The following MYCBP2 variants were observed in gnomAD, a reference collection of about 807,000 sequenced individuals.
The protein encoded by MYCBP2 is MYC binding protein 2, also known as E3 ubiquitin-protein ligase MYCBP2.
In MYCBP2, 120 loss-of-function variants were observed where a neutral mutation model predicts 525.3. The ratio of observed to expected loss-of-function variants is 0.23; its 90% confidence interval spans 0.20 to 0.27. The LOEUF is 0.27. MYCBP2 is among the 10% of genes least tolerant of loss of function. The probability of loss-of-function intolerance (pLI) is 1.00; values close to 1 mark genes in which losing one functional copy is unlikely to be tolerated. For synonymous variants in MYCBP2, 1,894 were observed against 1,955.8 expected (o/e 0.97, Z 0.83); for missense variants, 4,149 against 5,657.1 (o/e 0.73, Z 8.55).
At chr13:77,170,645 C>T (rs982111945) in intron 38 of MYCBP2, among the ~76,000 whole-genome samples, 13 of 149,986 alleles carry the variant, frequency 8.7e-5, no homozygotes, top group Admixed American at 3.3e-4. Flanking sequence ...GGTGCGATCT[C>T]GGCTCACTGC....
intron 25 of MYCBP2, 24 bp from the exon 26 acceptor site, chr13:77,205,407 A>T (rs538074425): frequency 2.5e-6 from 4 of 1,611,980 alleles, no homozygotes; most frequent in Non-Finnish European, 3.4e-6. Context: ...ATCATAATCT[A>T]TGTTTTAAAA....
At chr13:77,237,210 A>C (rs1232646864) in intron 17 of MYCBP2, among the ~76,000 whole-genome samples, 1 of 152,250 alleles carries the variant, frequency 6.6e-6, no homozygotes, top group Admixed American at 6.5e-5. Flanking sequence ...TTAGGTAGTT[A>C]CTGTATAGAA....
rs550282518 is a variant in MYCBP2 at position 77,169,213 on chromosome 13, G to A, written c.5895+401C>T. Among the ~76,000 whole-genome samples the A allele has an allele frequency of 1.4e-4, 22 of 152,066 alleles. No individual in the cohort carries two copies. In the East Asian group the frequency reaches 2.7e-3, roughly 19 times the overall value. On this transcript the variant is annotated intron_variant, in intron 39 of 82. Coordinates refer to ENST00000544440, the MANE Select transcript of MYCBP2 (RefSeq NM_015057.5). ...CACGAGGTCAGGAGATCGAGACCAC[G>A]GTGAAACCCCGTCTCTACTAAAAAT...
chr13:77,262,204 G>A, intron 10 of MYCBP2, 75 bp from the exon 11 acceptor site: 1 of 1,210,372 alleles, frequency 8.3e-7, no homozygotes, highest in Non-Finnish European at 1.2e-6. Context: ...ACTATTTTAA[G>A]TGATTGCAAT....
rs1330816864 is a variant in MYCBP2, at chr13:77,097,406, A to G, written c.9748T>C (p.Tyr3250His). 3 of 1,611,938 alleles carry G rather than the reference A, an allele frequency of 1.9e-6. No homozygotes were observed. The highest frequency in any genetic ancestry group is 2.7e-5 in the African/African-American group (2 of 74,736). Residue 3250 changes from tyrosine to histidine, a missense_variant, in exon 56 of 83, where the codon TAC becomes CAC. Physicochemically the swap from Tyr to His is moderately conservative, Grantham distance 83 (BLOSUM62 2). This residue lies in a region of MYCBP2 where 26 missense variants were observed against 48.2 expected (regional missense o/e 0.54). Transcript: ENST00000544440. ...ICELCGESHPYPVTYHMRQAH... is the reference protein window; with the variant it reads ...ICELCGESHPHPVTYHMRQAH... ...TGTCTCATGTGATAGGTCACCGGGT[A>G]TGGATGTGACTCCCCACACAGTTCA...
intron 52 of MYCBP2, among the ~76,000 whole-genome samples, chr13:77,132,455 A>T (rs2053055028): frequency 6.6e-6 from 1 of 152,158 alleles, no homozygotes; most frequent in Non-Finnish European, 1.5e-5. Flanking sequence ...CAAATCTTTC[A>T]GGTTCCAAAA....
chr13:77,321,600 G>A (rs1279603228), intron 1 of MYCBP2, among the ~76,000 whole-genome samples: 1 of 152,132 alleles, frequency 6.6e-6, no homozygotes, highest in East Asian at 1.9e-4. Context: ...TTCCACTACT[G>A]TCCTTCATGA....
chr13:77,072,029 C>T (rs1307573459), intron 68 of MYCBP2, among the ~76,000 whole-genome samples: 1 of 152,088 alleles, frequency 6.6e-6, no homozygotes, highest in Non-Finnish European at 1.5e-5. Context: ...TGGCTCACGC[C>T]TGTAATCCCA....
chr13:77,310,109 T>A (rs2079988263), intron 1 of MYCBP2, among the ~76,000 whole-genome samples: 1 of 152,074 alleles, frequency 6.6e-6, no homozygotes, highest in Admixed American at 6.6e-5. Context: ...AGACTCCGTC[T>A]CAGAAAAACA....
chr13:77,058,596 T>C lies in MYCBP2; in HGVS notation c.13141-190A>G, dbSNP rs1259619379. On this transcript the variant is annotated intron_variant, in intron 77 of 82. Coordinates refer to ENST00000544440, the MANE Select transcript of MYCBP2 (RefSeq NM_015057.5). This position sits in a 1 kb window ranked among gnomAD's most constrained non-coding sequence, Gnocchi z 4.1. ...ATTAGGCTTCTTAACAAAGTTTTTT[T>C]TTTTTGATGCGATTTTTAAAAAATG... 1.3e-5 allele frequency among the ~76,000 whole-genome samples: 2 copies of C among 152,200 alleles called. No individual in the cohort carries two copies. The highest frequency in any genetic ancestry group is 2.1e-4 in the South Asian group (1 of 4,826).
intron 3 of MYCBP2, among the ~76,000 whole-genome samples, chr13:77,286,751 G>A (rs1163520721): frequency 1.3e-4 from 3 of 22,906 alleles, no homozygotes; most frequent in South Asian, 2.9e-3. Context: ...GCTAGACTCC[G>A]TCTCAAAAAA....
chr13:77,087,064 G>A (rs751791846), intron 62 of MYCBP2, among the ~76,000 whole-genome samples: 1 of 152,034 alleles, frequency 6.6e-6, no homozygotes, highest in Non-Finnish European at 1.5e-5. Flanking sequence ...TCTTGCTCAT[G>A]GTGTCTTGTT....
intron 52 of MYCBP2, chr13:77,129,358 C>T: frequency 2.6e-6 from 1 of 386,280 alleles, no homozygotes. Flanking sequence ...TATTATTTTA[C>T]TAAAGAGAAA....
intron 53 of MYCBP2, 102 bp from the exon 54 acceptor site, chr13:77,125,570 C>T: frequency 8.2e-7 from 1 of 1,225,220 alleles, no homozygotes; most frequent in Non-Finnish European, 1.1e-6. Flanking sequence ...GTAATCATTC[C>T]AATACATTTC....
At chr13:77,126,094 TATACA>T (rs1027522861) in intron 53 of MYCBP2, among the ~76,000 whole-genome samples, 2 of 152,238 alleles carry the variant, frequency 1.3e-5, no homozygotes, top group African/African-American at 2.4e-5. Flanking sequence ...AACATTTATA[TATACA>T]ATACAAATCA....
intron 1 of MYCBP2, among the ~76,000 whole-genome samples, chr13:77,300,438 A>T (rs1332848837): frequency 1.3e-5 from 2 of 152,234 alleles, no homozygotes; most frequent in Non-Finnish European, 2.9e-5. Context: ...CATAATGCTC[A>T]CAAAACATTC....
At position 77,097,523 on chromosome 13, in the gene MYCBP2, T is replaced by C; in HGVS notation, c.9631A>G (p.Lys3211Glu). The change falls in exon 56 of 83, where the codon AAA becomes GAA. Residue 3211 changes from lysine (K) to glutamate (E), a missense_variant. Lys to Glu is a moderately conservative substitution (Grantham distance 56, BLOSUM62 1). Transcript: ENST00000544440. ...ENKKSKKEKK[K>E]KEKAEVRPRG... ...GGCCTAACTTCTGCCTTTTCTTTTT[T>C]CTTTTTTTCCTTTTTGGACTTCTTA... 1 of 1,612,308 alleles carries C rather than the reference T, an allele frequency of 6.2e-7. No individual in the cohort carries two copies. Among genetic ancestry groups the C allele is most frequent in the Non-Finnish European group, 8.5e-7 (1 of 1,179,280 alleles).
At position 77,063,549 on chromosome 13, in the gene MYCBP2, ACT is replaced by A. The variant is rs2039687021; in HGVS notation, c.12673-854_12673-853del. 1.5e-5 allele frequency among the ~76,000 whole-genome samples: 2 copies of A among 129,484 alleles called. 1 individual carries two copies. Among genetic ancestry groups the A allele is most frequent in the Non-Finnish European group, 3.4e-5 (2 of 59,628 alleles). The allele number at this position is 129,484 out of a possible 152,430, so 84.9% of individuals were successfully genotyped here. On this transcript the variant is annotated intron_variant, in intron 73 of 82. Transcript: ENST00000544440. ...CTCCAGCCTGGGCATCAAGAGTGAA[ACT>A]CTGTCTCAAAAAAAAAAAAAAAAAA...
At chr13:77,149,468 G>T (rs1374916307) in intron 47 of MYCBP2, among the ~76,000 whole-genome samples, 1 of 151,720 alleles carries the variant, frequency 6.6e-6, no homozygotes, top group Non-Finnish European at 1.5e-5. Flanking sequence ...TGTTTCTTAG[G>T]ATCCTATCCT....
Sources: gnomAD v4.1 joint callset for allele counts (sites outside exome capture counted in the v4.1 genomes callset) on GRCh38, gnomAD v4.1.1 for gene constraint, gnomAD v4.1.1 regional missense constraint, Gnocchi (gnomAD v3.1) non-coding constraint, MANE v1.5 for transcripts, NCBI Gene and HGNC (gene_info 2026-07-23, HGNC 2026-07-21) for gene names.